Variants in RARB observed in about 807,000 individuals in gnomAD.
The protein encoded by RARB is HBV-activated protein.
RARB carries 17 observed loss-of-function variants against 51.9 expected under a neutral mutation model. That is an observed-to-expected ratio of 0.33 (90% CI 0.22 to 0.49). RARB has a LOEUF of 0.49. Among genes scored for constraint, RARB ranks in the 20% least tolerant of loss-of-function variants. The pLI is 0.99. For missense variants in RARB, 369 were observed against 550.8 expected (o/e 0.67, Z 3.30); for synonymous variants, 215 against 195.4 (o/e 1.10, Z -0.84).
At chr3:25,350,212 GC>G (rs1405391873) in intron 5 of RARB, among the ~76,000 whole-genome samples, 1 of 152,116 alleles carries the variant, frequency 6.6e-6, no homozygotes. Context: ...AGACACAGGG[GC>G]ATGGACACCA....
intron 1 of RARB, among the ~76,000 whole-genome samples, chr3:25,457,209 T>G (rs1485059678): frequency 6.6e-6 from 1 of 152,146 alleles, no homozygotes; most frequent in Non-Finnish European, 1.5e-5. Context: ...GGTTCTAGTG[T>G]GCAGCCAAGT....
chr3:25,034,880 C>T (rs183849969), intron 2 of RARB, among the ~76,000 whole-genome samples: 11 of 152,326 alleles, frequency 7.2e-5, no homozygotes, highest in Admixed American at 4.6e-4. Context: ...TTCCATGTGG[C>T]AACTGCAGCT....
chr3:24,879,377 C>A (rs981419899), intron 2 of RARB, among the ~76,000 whole-genome samples: 1 of 150,796 alleles, frequency 6.6e-6, no homozygotes, highest in East Asian at 2.0e-4. Flanking sequence ...TGCAGTGAGG[C>A]GAGATCGCAT....
chr3:25,206,887 C>G (rs368466077), intron 5 of RARB, among the ~76,000 whole-genome samples: 1 of 152,258 alleles, frequency 6.6e-6, no homozygotes. Flanking sequence ...GTTAGTGCCT[C>G]TCCAGTTGTC....
At chr3:25,574,601 G>A (rs560961297) in intron 4 of RARB, among the ~76,000 whole-genome samples, 38 of 152,330 alleles carry the variant, frequency 2.5e-4, no homozygotes, top group African/African-American at 8.2e-4. Context: ...TGCCGTGTGC[G>A]GGCCGCTCAT....
At chr3:24,841,076 A>AT (rs1489051330) in intron 1 of RARB, among the ~76,000 whole-genome samples, 1 of 152,172 alleles carries the variant, frequency 6.6e-6, no homozygotes, top group Non-Finnish European at 1.5e-5. Context: ...TCATTAAAAT[A>AT]TTTTTTGGCT....
intron 5 of RARB, among the ~76,000 whole-genome samples, chr3:25,192,495 T>G (rs887920691): frequency 1.3e-5 from 2 of 152,136 alleles, no homozygotes; most frequent in African/African-American, 4.8e-5. Context: ...AAAAGTTTTT[T>G]GTAGATAACC....
At chr3:25,254,600 G>C (rs1321653606) in intron 5 of RARB, among the ~76,000 whole-genome samples, 7 of 151,714 alleles carry the variant, frequency 4.6e-5, no homozygotes, top group Admixed American at 4.6e-4. Flanking sequence ...ACAGCTGGGG[G>C]GTCGGGGGGT....
At chr3:24,965,236 T>A (rs1310968483) in intron 2 of RARB, among the ~76,000 whole-genome samples, 1 of 152,104 alleles carries the variant, frequency 6.6e-6, no homozygotes, top group African/African-American at 2.4e-5. Context: ...GTATTTTGTA[T>A]CTATCTGGGT....
At chr3:25,091,240 A>G (rs1699193429) in intron 3 of RARB, among the ~76,000 whole-genome samples, 1 of 152,146 alleles carries the variant, frequency 6.6e-6, no homozygotes. Flanking sequence ...AGAGAATTGA[A>G]TGTGCACTGT....
chr3:25,428,145 T>G, upstream of RARB: 73 of 1,012,760 alleles, frequency 7.2e-5, no homozygotes, highest in Non-Finnish European at 8.3e-5. Flanking sequence ...TTAAGCTCTG[T>G]GAGAATCCTG....
chr3:25,514,288 A>G (rs1250826938), intron 3 of RARB, among the ~76,000 whole-genome samples: 1 of 152,190 alleles, frequency 6.6e-6, no homozygotes, highest in African/African-American at 2.4e-5. Context: ...ATTAACTGTC[A>G]TGGTTAGGTT....
At chr3:25,502,996 T>C (rs1697394420) in intron 3 of RARB, among the ~76,000 whole-genome samples, 1 of 152,164 alleles carries the variant, frequency 6.6e-6, no homozygotes, top group Non-Finnish European at 1.5e-5. Flanking sequence ...AGAGTCCTCA[T>C]GAATGAGAAT....
Position 25,194,534 on chromosome 3 carries a change from T to A in RARB, c.178+19959T>A, listed in dbSNP as rs1701185454. On this transcript the variant is annotated intron_variant, in intron 5 of 11. Coordinates refer to the RARB transcript ENST00000383772. ...ATATATATGTTGATATATATATATATAATGTATATATCATGTTGTACACCT... is the reference window on the plus strand; with the variant it reads ...ATATATATGTTGATATATATATATAAAATGTATATATCATGTTGTACACCT... Among the ~76,000 whole-genome samples, 3 of 150,630 alleles carry A rather than the reference T, an allele frequency of 2.0e-5. No homozygotes were observed. The Admixed American group carries it at 2.0e-4, about 10-fold the overall frequency.
intron 4 of RARB, among the ~76,000 whole-genome samples, chr3:25,147,294 C>A (rs778542392): frequency 1.3e-5 from 2 of 152,056 alleles, no homozygotes; most frequent in Admixed American, 6.6e-5. Flanking sequence ...CTTGTTCTAC[C>A]GGTTCTTCCC....
chr3:25,566,861 A>G (rs961894840), intron 3 of RARB, among the ~76,000 whole-genome samples: 1 of 152,026 alleles, frequency 6.6e-6, no homozygotes, highest in Non-Finnish European at 1.5e-5. Context: ...TGGGTTGACT[A>G]TTTTCAAACA....
At position 25,200,269 on chromosome 3, in the gene RARB, A is replaced by C. The variant is rs78035592; in HGVS notation, c.178+25694A>C. ...CTTTTGAGAACTGTCTGTTCATATC[A>C]TTTGCCCACTTTCTGGTGGGTTTTT... On this transcript the variant is annotated intron_variant, in intron 5 of 11. Coordinates refer to the RARB transcript ENST00000383772. Among the ~76,000 whole-genome samples the C allele has an allele frequency of 6.3e-3, 947 of 150,092 alleles. 18 individuals carry two copies. Among genetic ancestry groups the C allele is most frequent in the East Asian group, 0.03 (155 of 5,090 alleles).
intron 1 of RARB, among the ~76,000 whole-genome samples, chr3:25,449,175 C>A (rs1248770735): frequency 6.6e-6 from 1 of 152,020 alleles, no homozygotes. Context: ...AGTGACTGCT[C>A]CTGACAGTGT....
intron 5 of RARB, among the ~76,000 whole-genome samples, chr3:25,294,542 C>A (rs1703871191): frequency 6.6e-6 from 1 of 152,180 alleles, no homozygotes; most frequent in Non-Finnish European, 1.5e-5. Context: ...GCCACTACCC[C>A]TCTCCCAACC....
Sources: allele counts gnomAD v4.1 joint callset (sites outside exome capture counted in the v4.1 genomes callset), GRCh38; gene constraint gnomAD v4.1.1; transcripts MANE v1.5; gene names NCBI Gene and HGNC (gene_info 2026-07-23, HGNC 2026-07-21).